TMC2: variants seen among roughly 807,000 people sequenced by gnomAD.
TMC2 encodes the protein transmembrane channel like 2.
TMC2 carries 102 observed loss-of-function variants against 105.9 expected under a neutral mutation model. The observed-to-expected ratio is 0.96, with a 90% CI of 0.82 to 1.14. TMC2 has a LOEUF of 1.14. Ranked by LOEUF, TMC2 falls within the 50% of genes most tolerant of loss-of-function variation. The pLI is 0.00. For missense variants in TMC2, 1,093 were observed against 1,134.3 expected, an observed-to-expected ratio of 0.96 and a Z score of 0.52; for synonymous variants, 402 against 422.8, an observed-to-expected ratio of 0.95 and a Z score of 0.60.
chr20:2,604,131 C>G lies in TMC2; in HGVS notation c.1413+1830C>G, dbSNP rs190585764. Among the ~76,000 whole-genome samples, 9 of 152,314 alleles carry G rather than the reference C, an allele frequency of 5.9e-5. No individual in the cohort carries two copies. The East Asian group carries it at 1.5e-3, about 26-fold the overall frequency. On this transcript the variant is annotated intron_variant, in intron 11 of 19. Coordinates refer to ENST00000358864, the MANE Select transcript of TMC2 (RefSeq NM_080751.3). Reference sequence around the variant, plus strand: ...AGCAGAAGTGGGCATCGCTGTTTCTCTCTTGCAGAGCTTCCAGCAGCCACT... The same window carrying G: ...AGCAGAAGTGGGCATCGCTGTTTCTGTCTTGCAGAGCTTCCAGCAGCCACT...
At chr20:2,589,929 A>G (rs975560097) in intron 7 of TMC2, among the ~76,000 whole-genome samples, 1 of 152,190 alleles carries the variant, frequency 6.6e-6, no homozygotes, top group Non-Finnish European at 1.5e-5. Flanking sequence ...TCGGCTTCCC[A>G]AAGTGCTGGG....
chr20:2,633,963 C>T (rs2086623607), intron 17 of TMC2, among the ~76,000 whole-genome samples: 1 of 152,322 alleles, frequency 6.6e-6, no homozygotes, highest in East Asian at 1.9e-4. Flanking sequence ...GAAGTCTTTG[C>T]CAATTTTGCT....
At chr20:2,538,756 C>T (rs1281606436) in intron 2 of TMC2, among the ~76,000 whole-genome samples, 1 of 152,204 alleles carries the variant, frequency 6.6e-6, no homozygotes, top group Non-Finnish European at 1.5e-5. Flanking sequence ...TCAGAATTTT[C>T]ACTTCACAGA....
At chr20:2,609,184 C>T (rs1024205729) in intron 11 of TMC2, among the ~76,000 whole-genome samples, 1 of 152,188 alleles carries the variant, frequency 6.6e-6, no homozygotes, top group African/African-American at 2.4e-5. Flanking sequence ...TTGGGGGCCT[C>T]ATTCCTGATT....
intron 4 of TMC2, among the ~76,000 whole-genome samples, chr20:2,563,508 A>G (rs902619720): frequency 6.6e-6 from 1 of 152,168 alleles, no homozygotes; most frequent in African/African-American, 2.4e-5. Flanking sequence ...CGAAAAACTG[A>G]TTTTTTTGTT....
intron 17 of TMC2, among the ~76,000 whole-genome samples, chr20:2,628,248 CATT>C (rs1432234662): frequency 3.3e-5 from 5 of 151,542 alleles, no homozygotes; most frequent in African/African-American, 1.2e-4. Context: ...TATTCCTTAT[CATT>C]TTTTCATTTA....
chr20:2,625,274 G>A (rs1035678958), intron 17 of TMC2, among the ~76,000 whole-genome samples: 6 of 152,032 alleles, frequency 3.9e-5, no homozygotes, highest in African/African-American at 1.4e-4. Flanking sequence ...CCATGTACAC[G>A]ATCACAAGAT....
At chr20:2,538,875 C>T (rs766529828) in intron 2 of TMC2, among the ~76,000 whole-genome samples, 1 of 152,176 alleles carries the variant, frequency 6.6e-6, no homozygotes, top group Non-Finnish European at 1.5e-5. Context: ...GAGTCACCTG[C>T]GACGGGACCT....
rs1175443163 is a variant in TMC2 at position 2,622,680 on chromosome 20, C to CA, written c.2181-1581dup. Among the ~76,000 whole-genome samples, 155 of 135,484 alleles carry CA rather than the reference C, an allele frequency of 1.1e-3. 2 individuals are homozygous for CA. The highest frequency in any genetic ancestry group is 3.9e-3 in the Middle Eastern group (1 of 258). 88.9% of individuals were successfully genotyped at this position (135,484 alleles called of 152,430 possible). ...TGGACGACAGAGAGAGACTCTGTCT[C>CA]AAAAAAAAAAGAAAGAAAGAAAAGA... On this transcript the variant is annotated intron_variant, in intron 16 of 19. Transcript: ENST00000358864.
At chr20:2,569,163 A>C (rs561432493) in intron 4 of TMC2, among the ~76,000 whole-genome samples, 7 of 152,318 alleles carry the variant, frequency 4.6e-5, no homozygotes, top group African/African-American at 1.7e-4. Context: ...TCCGTGGTCT[A>C]AATACTCCCA....
Position 2,558,462 on chromosome 20 carries a change from G to A in TMC2, c.89G>A (p.Arg30Lys), listed in dbSNP as rs2085998657. ...CATTTTCCCGCCCCGGCAGGTGACA[G>A]GCTGGGAAGGAGATCCTCAAGCAAG... is the stretch of plus-strand genomic sequence containing the variant. ...VKSGSPHTGDRLGRRSSSKRA... is the reference protein window; with the variant it reads ...VKSGSPHTGDKLGRRSSSKRA... Residue 30 changes from arginine to lysine, a missense_variant, in exon 3 of 20, where the codon AGG becomes AAG. Coordinates refer to ENST00000358864, the MANE Select transcript of TMC2 (RefSeq NM_080751.3). This position sits in a 1 kb window ranked among gnomAD's most constrained non-coding sequence, Gnocchi z 4.6. 1.3e-6 allele frequency: 2 copies of A among 1,555,824 alleles called. No individual in the cohort carries two copies. The highest frequency in any genetic ancestry group is 1.7e-6 in the Non-Finnish European group (2 of 1,149,868).
chr20:2,627,803 G>C (rs1053788322), intron 17 of TMC2, among the ~76,000 whole-genome samples: 2 of 152,102 alleles, frequency 1.3e-5, no homozygotes, highest in Admixed American at 1.3e-4. Flanking sequence ...TTCTTCATTT[G>C]ATTTTCCACA....
At chr20:2,611,882 G>GGA (rs2086442274) in intron 12 of TMC2, among the ~76,000 whole-genome samples, 3 of 75,076 alleles carry the variant, frequency 4.0e-5, no homozygotes, top group Non-Finnish European at 8.7e-5. Context: ...GGGTGGGTGG[G>GGA]TGGGTGGATG....
intron 14 of TMC2, among the ~76,000 whole-genome samples, chr20:2,615,600 G>A (rs2086474677): frequency 6.6e-6 from 1 of 152,194 alleles, no homozygotes; most frequent in Non-Finnish European, 1.5e-5. Context: ...CTGAAAATAT[G>A]AACCAAGCTG....
Position 2,594,853 on chromosome 20 carries a change from A to G in TMC2, c.962A>G (p.Tyr321Cys), listed in dbSNP as rs762767921. The change falls in exon 9 of 20, where the codon TAT (tyrosine) becomes TGT (cysteine). Residue 321 changes from tyrosine to cysteine, a missense_variant. By Grantham distance (194) the Tyr-to-Cys change is radical. Coordinates refer to ENST00000358864, the MANE Select transcript of TMC2 (RefSeq NM_080751.3). ...TATATCAAGTACTCTGCACTCTTCT[A>G]TGGCTACTACAACAACCAGAGGACC... ...EGYIKYSALF[Y>C]GYYNNQRTIG... is the part of the protein sequence containing the mutation. 6.2e-7 allele frequency: 1 copy of G among 1,614,152 alleles called. No homozygotes were observed. The highest frequency in any genetic ancestry group is 1.7e-5 in the Admixed American group (1 of 60,018).
intron 17 of TMC2, among the ~76,000 whole-genome samples, chr20:2,633,759 T>TGTGTAGG (rs148288940): frequency 2.6e-5 from 4 of 151,404 alleles, no homozygotes; most frequent in African/African-American, 9.7e-5. Context: ...ACTACAGAAC[T>TGTGTAGG]GGGTAGGGGA....
intron 16 of TMC2, among the ~76,000 whole-genome samples, chr20:2,621,374 A>C (rs74495748): frequency 1.5e-3 from 214 of 146,556 alleles, no homozygotes; most frequent in Middle Eastern, 3.6e-3. Flanking sequence ...CAACAACAAA[A>C]AAAAAAAAAA....
At chr20:2,582,514 C>G (rs955935169) in intron 7 of TMC2, among the ~76,000 whole-genome samples, 8 of 152,168 alleles carry the variant, frequency 5.3e-5, no homozygotes, top group Non-Finnish European at 1.0e-4. Flanking sequence ...CTCATTCTAT[C>G]TCCTGGGTTG....
At chr20:2,559,408 C>T (rs2086009754) in intron 3 of TMC2, among the ~76,000 whole-genome samples, 1 of 152,156 alleles carries the variant, frequency 6.6e-6, no homozygotes, top group Admixed American at 6.5e-5. Flanking sequence ...CTTATGGCAT[C>T]AGAAAGTGAA....
Sources: gnomAD v4.1 joint callset for allele counts (sites outside exome capture counted in the v4.1 genomes callset) on GRCh38, gnomAD v4.1.1 for gene constraint, Gnocchi (gnomAD v3.1) non-coding constraint, MANE v1.5 for transcripts, NCBI Gene and HGNC (gene_info 2026-07-23, HGNC 2026-07-21) for gene names.